PCDHGA5: variants seen among roughly 807,000 people sequenced by gnomAD.
The protein encoded by PCDHGA5 is protocadherin gamma-A5.
A neutral mutation model predicts 56.7 loss-of-function variants in PCDHGA5; 36 were observed. The observed-to-expected ratio is 0.64, with a 90% CI of 0.49 to 0.84. The LOEUF (loss-of-function observed/expected upper bound fraction) is 0.84, where lower values mean the gene tolerates loss of function less well. PCDHGA5 is among the 40% of genes least tolerant of loss of function. PCDHGA5 has a pLI of 0.00. For synonymous variants in PCDHGA5, 563 were observed against 520.2 expected (o/e 1.08, Z -1.12); for missense variants, 1,305 against 1,201.5 (o/e 1.09, Z -1.27).
intron 1 of PCDHGA5, chr5:141,478,068 A>G (rs560968418): frequency 3.7e-6 from 6 of 1,614,134 alleles, no homozygotes; most frequent in East Asian, 4.5e-5. Flanking sequence ...ATCAAAGACA[A>G]TGGGGAGCCT....
At chr5:141,389,552 T>C (rs752525339) in intron 1 of PCDHGA5, 14 of 1,613,104 alleles carry the variant, frequency 8.7e-6, no homozygotes, top group East Asian at 6.7e-5. Context: ...GCAACGACAA[T>C]GCGCCACGGG....
At position 141,422,706 on chromosome 5, in the gene PCDHGA5, G is replaced by A. The variant is rs758922274; in HGVS notation, c.2421+55955G>A. On this transcript the variant is annotated intron_variant, in intron 1 of 3. Transcript: ENST00000518069. ...ATGCCCTGGTCACTTACTCTCTGAC[G>A]GATGACACTGTCCAGGGGGTGCCTC... The A allele has an allele frequency of 8.1e-6, 13 of 1,602,906 alleles. No homozygotes were observed. In the South Asian group the frequency reaches 1.5e-4, roughly 18 times the overall value.
At chr5:141,454,838 C>G (rs1472341694) in intron 1 of PCDHGA5, among the ~76,000 whole-genome samples, 1 of 100,816 alleles carries the variant, frequency 9.9e-6, no homozygotes, top group South Asian at 3.5e-4. Flanking sequence ...GACAGAGTCG[C>G]GCTCTGTCAC....
intron 1 of PCDHGA5, chr5:141,383,555 A>G: frequency 6.2e-7 from 1 of 1,611,868 alleles, no homozygotes; most frequent in East Asian, 2.2e-5. Context: ...GATGGCGGCG[A>G]CCCGCCCCGA....
chr5:141,370,811 G>A (rs367716692), intron 1 of PCDHGA5: 14 of 1,613,898 alleles, frequency 8.7e-6, no homozygotes, highest in Non-Finnish European at 1.2e-5. Context: ...ATATCACTGA[G>A]CTGGAAATCA....
At chr5:141,442,629 A>G (rs959326665) in intron 1 of PCDHGA5, among the ~76,000 whole-genome samples, 2 of 152,248 alleles carry the variant, frequency 1.3e-5, no homozygotes, top group African/African-American at 4.8e-5. Context: ...TTCTAGCAGC[A>G]AGACCAAAGG....
At chr5:141,421,444 A>T in intron 1 of PCDHGA5, 1 of 1,614,020 alleles carries the variant, frequency 6.2e-7, no homozygotes, top group Non-Finnish European at 8.5e-7. Flanking sequence ...CAGAGGGAAG[A>T]CACAGCTTTT....
chr5:141,431,698 ATT>A lies in PCDHGA5; in HGVS notation c.2422-63108_2422-63107del. The A allele has an allele frequency of 6.2e-7, 1 of 1,614,222 alleles. No homozygotes were observed. Among genetic ancestry groups the A allele is most frequent in the South Asian group, 1.1e-5 (1 of 91,090 alleles). ...GGGAGTTGGACCACGAGGAGTCAGG[ATT>A]CTACCAGATGGAAGTGCAAGCAATG... On this transcript the variant is annotated intron_variant, in intron 1 of 3. Transcript: ENST00000518069. The surrounding 1 kb of genome is among the most constrained non-coding windows in gnomAD (Gnocchi z 4.8).
At chr5:141,392,249 T>C (rs1474806816) in intron 1 of PCDHGA5, 1 of 152,206 alleles carries the variant, frequency 6.6e-6, no homozygotes, top group Non-Finnish European at 1.5e-5. Context: ...TTTGTTAGTA[T>C]ATATTGGAGA....
At chr5:141,416,124 AT>A (rs1297389183) in intron 1 of PCDHGA5, 1 of 154,644 alleles carries the variant, frequency 6.5e-6, no homozygotes, top group Non-Finnish European at 1.4e-5. Flanking sequence ...CATTTTATAT[AT>A]TTTTCAATCT....
rs569659080 is a variant in PCDHGA5, at chr5:141,365,219, A to C, written c.889A>C (p.Asn297His). 3 of 1,613,844 alleles carry C rather than the reference A, an allele frequency of 1.9e-6. No homozygotes were observed. Among genetic ancestry groups the C allele is most frequent in the African/African-American group, 2.7e-5 (2 of 74,944 alleles). The stretch of plus-strand genomic sequence containing the variant: ...TTCGGAGACTTTCCAACTTGATTCC[A>C]ACCTGGGGGAAATCTCAACTCTACA... ...KISETFQLDS[N>H]LGEISTLQSL... The change falls in exon 1 of 4, where the codon AAC becomes CAC. Residue 297 changes from asparagine (N) to histidine (H), a missense_variant. Physicochemically the swap from Asn to His is moderately conservative, Grantham distance 68. Coordinates refer to ENST00000518069, the MANE Select transcript of PCDHGA5 (RefSeq NM_018918.3).
At chr5:141,425,209 A>G (rs2096861765) in intron 1 of PCDHGA5, among the ~76,000 whole-genome samples, 1 of 152,180 alleles carries the variant, frequency 6.6e-6, no homozygotes, top group African/African-American at 2.4e-5. Context: ...GATGTAAGGC[A>G]TTGTACTTTG....
intron 1 of PCDHGA5, chr5:141,420,300 C>T (rs773892933): frequency 1.6e-5 from 24 of 1,467,248 alleles, no homozygotes; most frequent in African/African-American, 2.8e-5. Context: ...TGTATTTAAT[C>T]CTTTTTATAT....
At chr5:141,399,217 T>G in intron 1 of PCDHGA5, 2 of 1,613,972 alleles carry the variant, frequency 1.2e-6, no homozygotes, top group Non-Finnish European at 1.7e-6. Flanking sequence ...ACTAATTGCT[T>G]TGATCAAAAT....
At chr5:141,415,650 A>G in intron 1 of PCDHGA5, 1 of 1,597,054 alleles carries the variant, frequency 6.3e-7, no homozygotes, top group Non-Finnish European at 8.5e-7. Context: ...TTAAAAAAAA[A>G]AAGATTGGTT....
intron 1 of PCDHGA5, among the ~76,000 whole-genome samples, chr5:141,425,025 T>C (rs1416166875): frequency 1.3e-5 from 2 of 152,236 alleles, no homozygotes; most frequent in Non-Finnish European, 2.9e-5. Flanking sequence ...ATTTACCTTA[T>C]GTCATTAGTT....
intron 1 of PCDHGA5, among the ~76,000 whole-genome samples, chr5:141,466,514 T>C (rs1276000407): frequency 6.6e-6 from 1 of 152,226 alleles, no homozygotes; most frequent in Non-Finnish European, 1.5e-5. Context: ...AAGATCATTT[T>C]TTTTCCTCCC....
intron 1 of PCDHGA5, chr5:141,391,586 AAT>A (rs1412247634): frequency 6.6e-6 from 1 of 152,234 alleles, no homozygotes; most frequent in Non-Finnish European, 1.5e-5. Flanking sequence ...TTCACAGGAA[AAT>A]ATAAAGTTTT....
chr5:141,418,840 C>G, intron 1 of PCDHGA5: 1 of 1,614,006 alleles, frequency 6.2e-7, no homozygotes. Flanking sequence ...GAGGATCTCT[C>G]TCAACACGGT....
Sources: allele counts gnomAD v4.1 joint callset (sites outside exome capture counted in the v4.1 genomes callset), GRCh38; gene constraint gnomAD v4.1.1; non-coding constraint Gnocchi (gnomAD v3.1); transcripts MANE v1.5; gene names NCBI Gene and HGNC (gene_info 2026-07-23, HGNC 2026-07-21).